Variants in GRIN2B observed in about 807,000 individuals in gnomAD.
GRIN2B encodes glutamate ionotropic receptor NMDA type subunit 2B, also known as glutamate receptor ionotropic, NMDA 2B.
In GRIN2B, 5 loss-of-function variants were observed where a neutral mutation model predicts 114.5. The ratio of observed to expected loss-of-function variants is 0.04; its 90% CI spans 0.02 to 0.09. The LOEUF is 0.09. GRIN2B is among the 10% of genes least tolerant of loss of function. The pLI is 1.00. For missense variants in GRIN2B, 1,108 were observed against 1,943.5 expected (o/e 0.57, Z 8.08); for synonymous variants, 787 against 745.1 (o/e 1.06, Z -0.92).
chr12:13,642,652 C>T lies in GRIN2B; in HGVS notation c.1126-25995G>A, dbSNP rs376915512. On this transcript the variant is annotated intron_variant, in intron 5 of 13. Transcript: ENST00000609686. ...TTGCATATTGCCTAGAATTCATTTG[C>T]CAAAAATGCATGTTTATTTGCTTAT... 1.7e-4 allele frequency among the ~76,000 whole-genome samples: 26 copies of T among 152,230 alleles called. No individual in the cohort carries two copies. In the East Asian group the frequency reaches 3.5e-3, roughly 20 times the overall value.
At chr12:13,855,361 T>C (rs1422539205) in intron 3 of GRIN2B, among the ~76,000 whole-genome samples, 2 of 152,166 alleles carry the variant, frequency 1.3e-5, no homozygotes, top group South Asian at 2.1e-4. Context: ...TAAGTGGTGA[T>C]AGAACCAGGA....
At chr12:13,621,506 A>G (rs1810518289) in intron 5 of GRIN2B, among the ~76,000 whole-genome samples, 1 of 151,822 alleles carries the variant, frequency 6.6e-6, no homozygotes, top group Non-Finnish European at 1.5e-5. Context: ...ACATTTCACA[A>G]CATCTGTCTA....
chr12:13,934,029 T>C (rs555814010), intron 2 of GRIN2B, among the ~76,000 whole-genome samples: 10 of 152,364 alleles, frequency 6.6e-5, no homozygotes, highest in Admixed American at 2.0e-4. Flanking sequence ...GGAGACTATA[T>C]GCACATAGAG....
At position 13,564,139 on chromosome 12, in the gene GRIN2B, G is replaced by C. The variant is rs796052575; in HGVS notation, c.3099C>G (p.Ser1033Arg). 3.1e-6 allele frequency: 5 copies of C among 1,614,194 alleles called. No individual in the cohort carries two copies. The South Asian group carries it at 5.5e-5, about 18-fold the overall frequency. ...LDIGLPSSKH[S>R]QLSDLYGKFS... The stretch of plus-strand genomic sequence containing the variant: ...ATTTGCCGTACAGGTCACTGAGCTG[G>C]CTGTGCTTGGAGGAGGGGAGGCCGA... Residue 1033 changes from serine (S) to arginine (R), a missense_variant, in exon 14 of 14, where the codon AGC (serine) becomes AGG (arginine). Coordinates refer to ENST00000609686, the MANE Select transcript of GRIN2B (RefSeq NM_000834.5). The surrounding 1 kb of genome is among the most constrained non-coding windows in gnomAD (Gnocchi z 4.8).
At chr12:13,676,607 T>C (rs10772698) in intron 4 of GRIN2B, among the ~76,000 whole-genome samples, 56,640 of 151,874 alleles carry the variant, frequency 0.37, 12,064 homozygotes, top group East Asian at 0.81. Flanking sequence ...GGATTAAAGG[T>C]TGGAAGTGGT....
chr12:13,662,640 C>T (rs969121745), intron 5 of GRIN2B, among the ~76,000 whole-genome samples: 1 of 152,028 alleles, frequency 6.6e-6, no homozygotes, highest in Non-Finnish European at 1.5e-5. Context: ...ATACTGTTTC[C>T]CCAGCACCTA....
At chr12:13,870,711 T>C (rs1298915567) in intron 2 of GRIN2B, among the ~76,000 whole-genome samples, 1 of 152,200 alleles carries the variant, frequency 6.6e-6, no homozygotes, top group East Asian at 1.9e-4. Flanking sequence ...AAGGAGACTA[T>C]GACTGGAATA....
chr12:13,642,072 T>G (rs117143919), intron 5 of GRIN2B, among the ~76,000 whole-genome samples: 11,380 of 151,826 alleles, frequency 0.075, 649 homozygotes, highest in African/African-American at 0.16. Flanking sequence ...ACCTGTAATT[T>G]CAGCTACTCA....
At chr12:13,857,227 A>G (rs1418925902) in intron 3 of GRIN2B, among the ~76,000 whole-genome samples, 2 of 152,294 alleles carry the variant, frequency 1.3e-5, no homozygotes, top group East Asian at 1.9e-4. Flanking sequence ...ATAAGATGAG[A>G]GTGATTTGAG....
At chr12:13,736,013 A>G (rs914658837) in intron 4 of GRIN2B, among the ~76,000 whole-genome samples, 7 of 151,986 alleles carry the variant, frequency 4.6e-5, no homozygotes, top group African/African-American at 1.7e-4. Context: ...GGCTGAATTG[A>G]ATGCTGGGCT....
intron 4 of GRIN2B, among the ~76,000 whole-genome samples, chr12:13,731,244 T>C (rs1591701329): frequency 6.6e-6 from 1 of 152,216 alleles, no homozygotes; most frequent in Non-Finnish European, 1.5e-5. Context: ...CAGAATTTGA[T>C]GCAGCTTCTG....
intron 2 of GRIN2B, among the ~76,000 whole-genome samples, chr12:13,908,109 A>G (rs1271516376): frequency 1.3e-5 from 2 of 152,186 alleles, no homozygotes; most frequent in Admixed American, 6.5e-5. Context: ...TTTTTCCTAA[A>G]CATCACAGGA....
At chr12:13,720,362 G>C (rs986806914) in intron 4 of GRIN2B, among the ~76,000 whole-genome samples, 38 of 151,994 alleles carry the variant, frequency 2.5e-4, no homozygotes, top group African/African-American at 8.9e-4. Flanking sequence ...TGATGGAAAG[G>C]GGGTAGCATT....
At chr12:13,586,662 C>T (rs1948929646) in intron 10 of GRIN2B, among the ~76,000 whole-genome samples, 1 of 152,218 alleles carries the variant, frequency 6.6e-6, no homozygotes, top group African/African-American at 2.4e-5. Flanking sequence ...GGAGACCTCA[C>T]TTACTCAGTT....
intron 10 of GRIN2B, among the ~76,000 whole-genome samples, chr12:13,607,343 A>T (rs1972414): frequency 0.32 from 13,410 of 42,430 alleles, 1,885 homozygotes; most frequent in Admixed American, 0.45. Flanking sequence ...TATTATATAT[A>T]ATATATAAAA....
At chr12:13,694,656 CATATATATAT>C (rs67570541) in intron 4 of GRIN2B, among the ~76,000 whole-genome samples, 1,703 of 71,200 alleles carry the variant, frequency 0.024, 34 homozygotes, top group Non-Finnish European at 0.027. Flanking sequence ...AAGAAAATGT[CATATATATAT>C]ATATATATAT....
intron 2 of GRIN2B, among the ~76,000 whole-genome samples, chr12:13,900,539 C>T (rs1866429528): frequency 6.6e-6 from 1 of 152,002 alleles, no homozygotes; most frequent in African/African-American, 2.4e-5. Flanking sequence ...CAAATACTTC[C>T]ATAACTATCA....
At chr12:13,686,888 G>A (rs959772220) in intron 4 of GRIN2B, among the ~76,000 whole-genome samples, 2 of 152,188 alleles carry the variant, frequency 1.3e-5, no homozygotes, top group African/African-American at 4.8e-5. Context: ...AATGGAAGCT[G>A]TTTGGGTCAT....
At chr12:13,576,802 C>T (rs1756366090) in intron 10 of GRIN2B, among the ~76,000 whole-genome samples, 1 of 152,196 alleles carries the variant, frequency 6.6e-6, no homozygotes, top group Non-Finnish European at 1.5e-5. Context: ...ATCCGCTCTG[C>T]TCGGCCTCCC....
Sources: allele counts gnomAD v4.1 joint callset (sites outside exome capture counted in the v4.1 genomes callset), GRCh38; gene constraint gnomAD v4.1.1; non-coding constraint Gnocchi (gnomAD v3.1); transcripts MANE v1.5; gene names NCBI Gene and HGNC (gene_info 2026-07-23, HGNC 2026-07-21).